Variants in BPI observed in about 807,000 individuals in gnomAD.
BPI encodes the protein bactericidal permeability-increasing protein.
A neutral mutation model predicts 57.6 loss-of-function variants in BPI; 48 were observed. The ratio of observed to expected loss-of-function variants is 0.83; its 90% CI spans 0.66 to 1.06. BPI has a LOEUF of 1.06. Among genes scored for constraint, BPI ranks in the 50% least tolerant of loss-of-function variants. The probability of loss-of-function intolerance (pLI) is 0.00; values close to 1 mark genes in which losing one functional copy is unlikely to be tolerated. For synonymous variants in BPI, 237 were observed against 238.2 expected (o/e 0.99, Z 0.05); for missense variants, 651 against 609.7 (o/e 1.07, Z -0.71).
chr20:38,305,387 G>A (rs1368469151), intron 1 of BPI, among the ~76,000 whole-genome samples: 1 of 152,098 alleles, frequency 6.6e-6, no homozygotes, highest in East Asian at 1.9e-4. Context: ...CTTCTACCCA[G>A]GCCCCTTGTG....
intron 12 of BPI, among the ~76,000 whole-genome samples, chr20:38,334,006 A>G (rs1325001084): frequency 6.6e-6 from 1 of 151,614 alleles, no homozygotes; most frequent in African/African-American, 2.4e-5. Context: ...ACCAAGCCCA[A>G]CCAGGCACAC....
intron 3 of BPI, 145 bp downstream of exon 3, chr20:38,309,203 G>A: frequency 8.2e-7 from 1 of 1,218,204 alleles, no homozygotes; most frequent in South Asian, 1.5e-5. Context: ...TTCTTCACAT[G>A]AGAAGATTCA....
intron 1 of BPI, 27 bp downstream of exon 1, chr20:38,304,380 C>T (rs868263558): frequency 1.9e-6 from 3 of 1,609,462 alleles, no homozygotes; most frequent in Non-Finnish European, 2.5e-6. Flanking sequence ...CTTCCCTCCT[C>T]TCCACCCCTG....
intron 12 of BPI, among the ~76,000 whole-genome samples, chr20:38,331,843 C>CAAAAA (rs71644569): frequency 1.2e-5 from 1 of 81,000 alleles, no homozygotes; most frequent in African/African-American, 4.6e-5. Flanking sequence ...AATCTTGTCT[C>CAAAAA]AAAAAAAAAA....
chr20:38,334,684 C>T (rs1227114940), intron 13 of BPI, among the ~76,000 whole-genome samples, 191 bp downstream of exon 13: 1 of 152,188 alleles, frequency 6.6e-6, no homozygotes, highest in East Asian at 1.9e-4. Context: ...ACTTACTACA[C>T]ATGGGTTGAT....
Position 38,321,139 on chromosome 20 carries a change from T to TGGTG in BPI, c.756+867_756+870dup, listed in dbSNP as rs1209804493. Reference sequence around the variant, plus strand: ...TAGGTGGATGGGTGGGTGGGTGTATTGGTGGATGGATGGATGGATGGATGG... The same window carrying TGGTG: ...TAGGTGGATGGGTGGGTGGGTGTATTGGTGGGTGGATGGATGGATGGATGGATGG... On this transcript the variant is annotated intron_variant, in intron 7 of 14. Transcript: ENST00000642449. Among the ~76,000 whole-genome samples the TGGTG allele has an allele frequency of 4.6e-3, 312 of 67,844 alleles. 1 individual carries two copies. Among genetic ancestry groups the TGGTG allele is most frequent in the Non-Finnish European group, 7.0e-3 (247 of 35,302 alleles). The allele number at this position is 67,844 out of a possible 152,430, so 44.5% of individuals were successfully genotyped here.
At position 38,310,600 on chromosome 20, in the gene BPI, T is replaced by G; in HGVS notation, c.484T>G (p.Cys162Gly). 6.2e-7 allele frequency: 1 copy of G among 1,614,176 alleles called. No homozygotes were observed. The highest frequency in any genetic ancestry group is 1.1e-5 in the South Asian group (1 of 91,054). The change falls in exon 4 of 15, where the codon TGC (cysteine) becomes GGC (glycine). Residue 162 changes from cysteine (C) to glycine (G), a missense_variant. Physicochemically the swap from Cys to Gly is radical, Grantham distance 159 (BLOSUM62 -3). Transcript: ENST00000642449. ...SGKPTITCSS[C>G]SSHINSVHVH... Reference sequence around the variant, plus strand: ...CAAGCCCACCATCACCTGCTCCAGCTGCAGCAGCCACATCAACAGTGTCCA... The same window carrying G: ...CAAGCCCACCATCACCTGCTCCAGCGGCAGCAGCCACATCAACAGTGTCCA...
At chr20:38,331,238 G>A (rs555017845) in intron 12 of BPI, 148 bp downstream of exon 12, 11 of 987,286 alleles carry the variant, frequency 1.1e-5, no homozygotes, top group Non-Finnish European at 1.3e-5. Context: ...GGAGCTTCGT[G>A]GGCAGAGGGA....
chr20:38,314,253 GTGGTGATGGTGAGATTGA>G (rs2076638458), intron 5 of BPI, among the ~76,000 whole-genome samples: 1 of 135,894 alleles, frequency 7.4e-6, no homozygotes, highest in Non-Finnish European at 1.6e-5. Flanking sequence ...GATGATGATG[GTGGTGATGGTGAGATTGA>G]TGATGGTGAT....
intron 9 of BPI, 108 bp from the exon 10 acceptor site, chr20:38,326,157 A>G: frequency 8.6e-7 from 1 of 1,162,758 alleles, no homozygotes; most frequent in Non-Finnish European, 1.2e-6. Flanking sequence ...TTCTAAGAGC[A>G]ATGGGAAGAC....
At chr20:38,328,699 G>A (rs940519704) in intron 11 of BPI, among the ~76,000 whole-genome samples, 11 of 151,606 alleles carry the variant, frequency 7.3e-5, no homozygotes, top group Admixed American at 6.6e-4. Flanking sequence ...CAGAAATGCA[G>A]AAAGAGAGAA....
intron 7 of BPI, among the ~76,000 whole-genome samples, chr20:38,322,588 A>T (rs6024863): frequency 0.21 from 31,576 of 152,120 alleles, 4,754 homozygotes; most frequent in East Asian, 0.57. Context: ...TTAAAGATAA[A>T]TCCTAGTCAG....
At chr20:38,319,028 A>G (rs2076667727) in intron 6 of BPI, among the ~76,000 whole-genome samples, 1 of 152,192 alleles carries the variant, frequency 6.6e-6, no homozygotes. Context: ...TGAGGTCAGG[A>G]GTTCAAGACC....
intron 6 of BPI, 70 bp from the exon 7 acceptor site, chr20:38,320,113 G>T (rs2076673669): frequency 7.8e-7 from 1 of 1,289,814 alleles, no homozygotes. Flanking sequence ...AGGGGATTCT[G>T]ATCCTGCATT....
intron 5 of BPI, among the ~76,000 whole-genome samples, chr20:38,315,150 G>A (rs1195254591): frequency 6.6e-6 from 1 of 152,140 alleles, no homozygotes; most frequent in Non-Finnish European, 1.5e-5. Context: ...CTGTGAGAGA[G>A]ATTCCATGAT....
intron 14 of BPI, 40 bp downstream of exon 14, chr20:38,335,714 T>C (rs1441576665): frequency 1.3e-6 from 2 of 1,587,592 alleles, no homozygotes; most frequent in South Asian, 2.2e-5. Context: ...CCCCTAACGA[T>C]AGTGACCAAC....
At chr20:38,324,191 T>A in intron 8 of BPI, 145 bp downstream of exon 8, 2 of 1,002,740 alleles carry the variant, frequency 2.0e-6, no homozygotes, top group Non-Finnish European at 1.4e-6. Context: ...AGTTCCAATA[T>A]CGGCCCCACC....
chr20:38,329,263 G>T (rs2076730149), intron 11 of BPI, among the ~76,000 whole-genome samples: 1 of 152,010 alleles, frequency 6.6e-6, no homozygotes, highest in South Asian at 2.1e-4. Context: ...AGATGTGATG[G>T]CCCCCCGCAG....
At chr20:38,304,446 C>A in intron 1 of BPI, 93 bp downstream of exon 1, 1 of 1,495,032 alleles carries the variant, frequency 6.7e-7, no homozygotes, top group Non-Finnish European at 9.0e-7. Flanking sequence ...GCACCTGGCA[C>A]ACTCATAGCA....
Sources: gnomAD v4.1 joint callset for allele counts (sites outside exome capture counted in the v4.1 genomes callset) on GRCh38, gnomAD v4.1.1 for gene constraint, MANE v1.5 for transcripts, NCBI Gene and HGNC (gene_info 2026-07-23, HGNC 2026-07-21) for gene names.